CCDC191: variants seen among roughly 807,000 people sequenced by gnomAD.
CCDC191 encodes the protein coiled-coil domain containing 191.
CCDC191 carries 99 observed loss-of-function variants against 114.0 expected under a neutral mutation model. The ratio of observed to expected loss-of-function variants is 0.87; its 90% CI spans 0.74 to 1.03. CCDC191 has a LOEUF of 1.03. Among genes scored for constraint, CCDC191 ranks in the 50% least tolerant of loss-of-function variants. CCDC191 has a pLI of 0.00. For synonymous variants in CCDC191, 351 were observed against 376.0 expected (o/e 0.93, Z 0.77); for missense variants, 973 against 1,087.0 (o/e 0.90, Z 1.47).
At position 114,042,724 on chromosome 3, in the gene CCDC191, A is replaced by C; in HGVS notation, c.394T>G (p.Leu132Val). Residue 132 changes from leucine (L) to valine (V), a missense_variant, in exon 4 of 17, where the codon TTG becomes GTG. Transcript: ENST00000295878. ...VTIMPEANGH[L>V]KYDKFDDLCG... Reference sequence around the variant, plus strand: ...TTACCATCAAACTTGTCATATTTCAAATGGCCATTGGCTTCCGGCATAATA... The same window carrying C: ...TTACCATCAAACTTGTCATATTTCACATGGCCATTGGCTTCCGGCATAATA... The C allele has an allele frequency of 1.3e-6, 2 of 1,582,116 alleles. No individual in the cohort carries two copies. The highest frequency in any genetic ancestry group is 1.7e-6 in the Non-Finnish European group (2 of 1,168,938).
chr3:113,981,926 TACA>T (rs1239375521), intron 13 of CCDC191, among the ~76,000 whole-genome samples: 2 of 152,220 alleles, frequency 1.3e-5, no homozygotes, highest in African/African-American at 4.8e-5. Flanking sequence ...AGAGAAAATT[TACA>T]ACAATTTTCT....
chr3:114,051,319 C>T (rs915935876), intron 2 of CCDC191, among the ~76,000 whole-genome samples: 2 of 152,170 alleles, frequency 1.3e-5, no homozygotes, highest in Admixed American at 6.5e-5. Context: ...TCCTTTCCTA[C>T]TCAGTGTGGA....
chr3:114,037,583 T>C (rs1311049896), intron 4 of CCDC191, among the ~76,000 whole-genome samples: 1 of 152,204 alleles, frequency 6.6e-6, no homozygotes, highest in African/African-American at 2.4e-5. Flanking sequence ...TTTCCAGGTT[T>C]TGGCTATTGC....
chr3:113,997,647 C>T (rs1444148077), intron 13 of CCDC191, among the ~76,000 whole-genome samples: 2 of 152,084 alleles, frequency 1.3e-5, no homozygotes, highest in Non-Finnish European at 2.9e-5. Flanking sequence ...CTCCCAGTGG[C>T]CAAAGCTGAA....
At position 114,005,631 on chromosome 3, in the gene CCDC191, T is replaced by C. The variant is rs2075941454; in HGVS notation, c.1745A>G (p.Lys582Arg). 2 of 1,614,096 alleles carry C rather than the reference T, an allele frequency of 1.2e-6. No homozygotes were observed. Among genetic ancestry groups the C allele is most frequent in the African/African-American group, 2.7e-5 (2 of 74,948 alleles). Reference protein sequence around the residue: ...EQQKTILELKKNLQLAEAQWA... With the variant: ...EQQKTILELKRNLQLAEAQWA... ...CTGAGCCTCTGCCAGCTGCAGGTTTTTCTTCAGCTCGAGAATTGTTTTCTG... is the reference window on the plus strand; with the variant it reads ...CTGAGCCTCTGCCAGCTGCAGGTTTCTCTTCAGCTCGAGAATTGTTTTCTG... The change falls in exon 10 of 17, where the codon AAA becomes AGA. Residue 582 changes from lysine to arginine, a missense_variant. Lys to Arg is a conservative substitution (Grantham distance 26). Coordinates refer to ENST00000295878, the MANE Select transcript of CCDC191 (RefSeq NM_020817.2).
intron 11 of CCDC191, 55 bp from the exon 12 acceptor site, chr3:114,002,593 T>C: frequency 7.0e-7 from 1 of 1,425,872 alleles, no homozygotes; most frequent in Non-Finnish European, 9.6e-7. Context: ...ATATGAGGAA[T>C]ACTGCAAGAG....
chr3:113,976,733 AAGAT>A lies in CCDC191; in HGVS notation c.2606+1449_2606+1452del, dbSNP rs371754640. On this transcript the variant is annotated intron_variant, in intron 16 of 16. Coordinates refer to ENST00000295878, the MANE Select transcript of CCDC191 (RefSeq NM_020817.2). ...CTGTTTAGTCTTCACAGCAATCCAT[AAGAT>A]AGATAGATAGGTTCTGTTGCTATCC... Among the ~76,000 whole-genome samples, 114 of 152,186 alleles carry A rather than the reference AAGAT, an allele frequency of 7.5e-4. 2 individuals carry two copies. The South Asian group carries it at 0.022, about 30-fold the overall frequency.
At chr3:114,006,619 A>ATATATATATATATAAAT (rs1559903359) in intron 9 of CCDC191, among the ~76,000 whole-genome samples, 51 of 92,470 alleles carry the variant, frequency 5.5e-4, no homozygotes, top group African/African-American at 1.9e-3. Flanking sequence ...TATATATATA[A>ATATATATATATATAAAT]ATATATATAT....
rs557831478 is a variant in CCDC191 at position 114,047,900 on chromosome 3, G to A, written c.130-1168C>T. 2.6e-4 allele frequency among the ~76,000 whole-genome samples: 40 copies of A among 152,104 alleles called. No individual in the cohort carries two copies. The South Asian group carries it at 5.8e-3, about 22-fold the overall frequency. ...TGAGGCATGAGAATCACTTGAACCCGGGAGGCAGAGGTTGCAGTGAGCTGA... is the reference window on the plus strand; with the variant it reads ...TGAGGCATGAGAATCACTTGAACCCAGGAGGCAGAGGTTGCAGTGAGCTGA... On this transcript the variant is annotated intron_variant, in intron 2 of 16. Transcript: ENST00000295878.
At position 114,004,736 on chromosome 3, in the gene CCDC191, C is replaced by G. The variant is rs754789035; in HGVS notation, c.1879G>C (p.Ala627Pro). The change falls in exon 11 of 17, where the codon GCT (alanine) becomes CCT (proline). Residue 627 changes from alanine (A) to proline (P), a missense_variant. Ala to Pro is a conservative substitution (Grantham distance 27). Transcript: ENST00000295878. ...TCQMLVNSPV[A>P]SPGTEGRSDS... is the part of the protein sequence containing the mutation. ...CTTCTGCCTTCAGTCCCAGGGGAAG[C>G]AACAGGTGAACTAGGGAAAAAATAA... 3 of 1,609,230 alleles carry G rather than the reference C, an allele frequency of 1.9e-6. No individual in the cohort carries two copies. The South Asian group carries it at 3.3e-5, about 18-fold the overall frequency.
chr3:114,012,267 C>A (rs1337975547), intron 8 of CCDC191, among the ~76,000 whole-genome samples: 2 of 151,840 alleles, frequency 1.3e-5, no homozygotes, highest in East Asian at 3.9e-4. Flanking sequence ...ATAATATTTA[C>A]CCTTACCACA....
intron 8 of CCDC191, among the ~76,000 whole-genome samples, chr3:114,012,359 T>C (rs2076085264): frequency 6.6e-6 from 1 of 152,224 alleles, no homozygotes; most frequent in South Asian, 2.1e-4. Context: ...TTTCATTATA[T>C]TTAATTGTTT....
intron 2 of CCDC191, chr3:114,047,148 T>C (rs1310028438): frequency 1.0e-6 from 1 of 980,400 alleles, no homozygotes; most frequent in East Asian, 1.1e-4. Flanking sequence ...TTCAGCAAAT[T>C]AGTACTCCTG....
chr3:114,013,884 GC>G (rs1338013743), intron 8 of CCDC191, among the ~76,000 whole-genome samples: 3 of 152,134 alleles, frequency 2.0e-5, no homozygotes, highest in Non-Finnish European at 4.4e-5. Flanking sequence ...GAGTTTCTAA[GC>G]CCCAGATTCA....
chr3:114,013,608 A>G (rs1468922454), intron 8 of CCDC191, among the ~76,000 whole-genome samples: 2 of 152,238 alleles, frequency 1.3e-5, no homozygotes, highest in African/African-American at 4.8e-5. Flanking sequence ...AAAATAGCCT[A>G]TCCCAATTTC....
intron 5 of CCDC191, 89 bp from the exon 6 acceptor site, chr3:114,035,237 A>G: frequency 1.1e-6 from 1 of 930,158 alleles, no homozygotes; most frequent in Non-Finnish European, 1.7e-6. Context: ...AGTTCAGAAT[A>G]CAACCAGTTT....
intron 7 of CCDC191, among the ~76,000 whole-genome samples, chr3:114,024,137 A>G (rs1240844489): frequency 6.6e-6 from 1 of 152,250 alleles, no homozygotes; most frequent in African/African-American, 2.4e-5. Flanking sequence ...ATGCAAATCA[A>G]TACCACAATG....
At chr3:114,023,593 C>T (rs955977303) in intron 7 of CCDC191, among the ~76,000 whole-genome samples, 2 of 152,180 alleles carry the variant, frequency 1.3e-5, no homozygotes, top group African/African-American at 4.8e-5. Context: ...CTGACAAAAA[C>T]AAGCAATGGG....
chr3:114,028,910 A>G (rs1040373723), intron 7 of CCDC191, among the ~76,000 whole-genome samples: 1 of 151,152 alleles, frequency 6.6e-6, no homozygotes, highest in Non-Finnish European at 1.5e-5. Context: ...AATAAATATA[A>G]TGTGTGTGTA....
Sources: allele counts gnomAD v4.1 joint callset (sites outside exome capture counted in the v4.1 genomes callset), GRCh38; gene constraint gnomAD v4.1.1; transcripts MANE v1.5; gene names NCBI Gene and HGNC (gene_info 2026-07-23, HGNC 2026-07-21).